APMAP: variants seen among roughly 807,000 people sequenced by gnomAD.
APMAP encodes the protein adipocyte plasma membrane associated protein, also known as adipocyte plasma membrane-associated protein.
APMAP carries 33 observed loss-of-function variants against 43.6 expected under a neutral mutation model. The observed-to-expected ratio is 0.76, with a 90% CI of 0.57 to 1.01. The LOEUF is 1.01. Ranked by LOEUF, APMAP falls within the 50% of genes least tolerant of loss-of-function variation. The pLI, the probability that APMAP is intolerant of heterozygous loss-of-function variation, is 0.00. For synonymous variants in APMAP, 224 were observed against 216.7 expected (o/e 1.03, Z -0.30); for missense variants, 498 against 540.7 (o/e 0.92, Z 0.78).
At chr20:24,970,402 C>T (rs1377986415) in intron 5 of APMAP, 31 bp from the exon 6 acceptor site, 2 of 1,588,170 alleles carry the variant, frequency 1.3e-6, no homozygotes, top group African/African-American at 2.7e-5. Context: ...AAAAGATTGA[C>T]TTGAACTAGG....
chr20:24,981,946 G>A (rs1715428573), intron 2 of APMAP, among the ~76,000 whole-genome samples: 1 of 152,226 alleles, frequency 6.6e-6, no homozygotes, highest in South Asian at 2.1e-4. Flanking sequence ...GCGTGCATGG[G>A]GCATGGCCTG....
rs1269295652 is a variant in APMAP at position 24,973,626 on chromosome 20, G to A, written c.421+19C>T. Reference sequence around the variant, plus strand: ...TGAAAGACTGGAAGAGACACATCGAGGGATTATCACCAACTTACTGCAAGG... The same window carrying A: ...TGAAAGACTGGAAGAGACACATCGAAGGATTATCACCAACTTACTGCAAGG... On this transcript the variant is annotated intron_variant, in intron 4 of 8. Coordinates refer to ENST00000217456, the MANE Select transcript of APMAP (RefSeq NM_020531.3). 1 of 1,601,786 alleles carries A rather than the reference G, an allele frequency of 6.2e-7. No homozygotes were observed. Among genetic ancestry groups the A allele is most frequent in the African/African-American group, 1.3e-5 (1 of 74,690 alleles).
At position 24,979,379 on chromosome 20, in the gene APMAP, C is replaced by T. The variant is rs79163076; in HGVS notation, c.213-497G>A. Among the ~76,000 whole-genome samples the T allele has an allele frequency of 3.4e-4, 52 of 152,316 alleles. 2 individuals carry two copies. In the East Asian group the frequency reaches 7.7e-3, roughly 23 times the overall value. On this transcript the variant is annotated intron_variant, in intron 2 of 8. Coordinates refer to ENST00000217456, the MANE Select transcript of APMAP (RefSeq NM_020531.3). ...CCGTCCCATGGTCCAGCACAGGGCA[C>T]GCCACCTCCCGCTGATATTCTCGAG...
chr20:24,968,999 T>G lies in APMAP; in HGVS notation c.934A>C (p.Ser312Arg), dbSNP rs775243031. 1.2e-6 allele frequency: 2 copies of G among 1,613,960 alleles called. No individual in the cohort carries two copies. Among genetic ancestry groups the G allele is most frequent in the Non-Finnish European group, 1.7e-6 (2 of 1,179,958 alleles). The change falls in exon 8 of 9, where the codon AGC becomes CGC. Residue 312 changes from serine (S) to arginine (R), a missense_variant. By Grantham distance (110) the Ser-to-Arg change is moderately radical. Coordinates refer to ENST00000217456, the MANE Select transcript of APMAP (RefSeq NM_020531.3). ...PGFPDNIRPS[S>R]SGGYWVGMST... ...ATGCCCACCCAGTACCCCCCAGAGCTGCTGGGCCGGATGTTGTCTGGAAAT... is the reference window on the plus strand; with the variant it reads ...ATGCCCACCCAGTACCCCCCAGAGCGGCTGGGCCGGATGTTGTCTGGAAAT...
At position 24,983,933 on chromosome 20, in the gene APMAP, A is replaced by G; in HGVS notation, c.182T>C (p.Leu61Pro). ...TVPLLGAMML[L>P]ESPIDPQPLS... The stretch of plus-strand genomic sequence containing the variant: ...AGGCTGTGGATCTATAGGAGATTCC[A>G]GCAGCATCATGGCTCCAAGCAGGGG... The change falls in exon 2 of 9, where the codon CTG (leucine) becomes CCG (proline). Residue 61 changes from leucine (L) to proline (P), a missense_variant. By Grantham distance (98) the Leu-to-Pro change is moderately conservative (BLOSUM62 -3). Transcript: ENST00000217456. 2.5e-6 allele frequency: 4 copies of G among 1,613,654 alleles called. No homozygotes were observed. The highest frequency in any genetic ancestry group is 3.4e-6 in the Non-Finnish European group (4 of 1,179,602).
chr20:24,991,109 A>C (rs4815358), intron 1 of APMAP, among the ~76,000 whole-genome samples: 2 of 152,020 alleles, frequency 1.3e-5, no homozygotes, highest in Non-Finnish European at 2.9e-5. Context: ...TGAGCCAGCC[A>C]ACTTGAGAGT....
chr20:24,976,854 A>G (rs1022407518), intron 3 of APMAP, among the ~76,000 whole-genome samples: 5 of 152,252 alleles, frequency 3.3e-5, no homozygotes, highest in Non-Finnish European at 7.3e-5. Flanking sequence ...CTAAAAAGAA[A>G]TGAGCTATCA....
chr20:24,978,803 G>T lies in APMAP; in HGVS notation c.292C>A (p.Gln98Lys), dbSNP rs1339980609. The T allele has an allele frequency of 2.5e-6, 4 of 1,608,866 alleles. No individual in the cohort carries two copies. Among genetic ancestry groups the T allele is most frequent in the Non-Finnish European group, 2.5e-6 (3 of 1,178,140 alleles). ...GCTATGGACTCCGGTCCAACAAGTT[G>T]ATTTTCAAACAGCCTTTCTGCCTGT... The part of the protein sequence containing the change: ...LRQAERLFEN[Q>K]LVGPESIAHI... The change falls in exon 3 of 9, where the codon CAA becomes AAA. Residue 98 changes from glutamine (Q) to lysine (K), a missense_variant. Physicochemically the swap from Gln to Lys is moderately conservative, Grantham distance 53 (BLOSUM62 1). Transcript: ENST00000217456.
intron 8 of APMAP, among the ~76,000 whole-genome samples, chr20:24,966,069 G>A (rs957145335): frequency 6.6e-5 from 10 of 152,152 alleles, no homozygotes; most frequent in African/African-American, 9.7e-5. Context: ...CCAAAGCAGC[G>A]AGTACACTCA....
At chr20:24,971,386 T>C in intron 5 of APMAP, 74 bp downstream of exon 5, 2 of 1,288,202 alleles carry the variant, frequency 1.6e-6, no homozygotes, top group Non-Finnish European at 2.2e-6. Flanking sequence ...ACAAATCCTA[T>C]TAAGTCTACA....
At chr20:24,988,546 TGGA>T (rs1160951159) in intron 1 of APMAP, among the ~76,000 whole-genome samples, 1 of 152,202 alleles carries the variant, frequency 6.6e-6, no homozygotes, top group African/African-American at 2.4e-5. Context: ...CTCCTAAAGC[TGGA>T]GAAGAATTTA....
intron 8 of APMAP, 68 bp downstream of exon 8, chr20:24,968,824 A>G: frequency 6.8e-7 from 1 of 1,463,454 alleles, no homozygotes; most frequent in Non-Finnish European, 9.2e-7. Context: ...TTTAAGCTAT[A>G]AGGGTCAAAA....
chr20:24,980,351 A>G (rs1205532740), intron 2 of APMAP, among the ~76,000 whole-genome samples: 7 of 152,242 alleles, frequency 4.6e-5, no homozygotes, highest in Admixed American at 1.3e-4. Context: ...CTTCACAGCA[A>G]AAGAGGAAGG....
rs148287096 is a variant in APMAP at position 24,969,594 on chromosome 20, A to G, written c.780T>C (p.Asn260=). Residue 260 remains asparagine, a synonymous_variant, in exon 7 of 9, where the codon AAT becomes AAC. Coordinates refer to ENST00000217456, the MANE Select transcript of APMAP (RefSeq NM_020531.3). ...KVLLDQLRFP[N]GVQLSPAEDF... ...CTTCTGCAGGAGACAGCTGGACTCC[A>G]TTCGGGAACCGCAGCTGGTCCAATA... The G allele has an allele frequency of 4.5e-5, 72 of 1,614,004 alleles. No homozygotes were observed. Among genetic ancestry groups the G allele is most frequent in the Non-Finnish European group, 6.1e-5 (72 of 1,179,984 alleles).
At chr20:24,966,179 T>C (rs1335901856) in intron 8 of APMAP, among the ~76,000 whole-genome samples, 1 of 152,202 alleles carries the variant, frequency 6.6e-6, no homozygotes, top group Admixed American at 6.5e-5. Context: ...GAACGACTTA[T>C]GTGCTGGAAA....
chr20:24,980,976 C>A (rs1342715928), intron 2 of APMAP, among the ~76,000 whole-genome samples: 2 of 152,212 alleles, frequency 1.3e-5, no homozygotes, highest in African/African-American at 4.8e-5. Flanking sequence ...GGGAGTCTAC[C>A]CAGGATACTA....
At chr20:24,978,133 T>C (rs1168120633) in intron 3 of APMAP, among the ~76,000 whole-genome samples, 2 of 152,232 alleles carry the variant, frequency 1.3e-5, no homozygotes, top group African/African-American at 4.8e-5. Context: ...CCATACCAGA[T>C]TAAGTTTTAA....
chr20:24,985,135 G>A (rs1276722610), intron 1 of APMAP, among the ~76,000 whole-genome samples: 1 of 152,184 alleles, frequency 6.6e-6, no homozygotes, highest in African/African-American at 2.4e-5. Flanking sequence ...CAACCAGCCA[G>A]GGAACTGCAG....
At chr20:24,982,791 G>A (rs891989820) in intron 2 of APMAP, among the ~76,000 whole-genome samples, 1 of 152,108 alleles carries the variant, frequency 6.6e-6, no homozygotes, top group Admixed American at 6.5e-5. Context: ...TGTAAAGAAG[G>A]GTTAGAAAGA....
Sources: allele counts gnomAD v4.1 joint callset (sites outside exome capture counted in the v4.1 genomes callset), GRCh38; gene constraint gnomAD v4.1.1; transcripts MANE v1.5; gene names NCBI Gene and HGNC (gene_info 2026-07-23, HGNC 2026-07-21).